Variants in TAF10 observed in about 807,000 individuals in gnomAD.
TAF10 encodes TATA-box binding protein associated factor 10, also known as transcription initiation factor TFIID subunit 10.
TAF10 carries 2 observed loss-of-function variants against 18.1 expected under a neutral mutation model. That is an observed-to-expected ratio of 0.11 (90% CI 0.05 to 0.35). The LOEUF (loss-of-function observed/expected upper bound fraction) is 0.35, where lower values mean the gene tolerates loss of function less well. TAF10 is among the 10% of genes least tolerant of loss of function. TAF10 has a pLI of 1.00. For synonymous variants in TAF10, 158 were observed against 134.6 expected, an observed-to-expected ratio of 1.17 and a Z score of -1.20; for missense variants, 293 against 306.9, an observed-to-expected ratio of 0.95 and a Z score of 0.34.
Position 6,607,907 on chromosome 11 carries a change from G to A in TAF10, c.*3015C>T. 2 of 841,770 alleles carry A rather than the reference G, an allele frequency of 2.4e-6. No homozygotes were observed. The allele number at this position is 841,770 out of a possible 1,614,324, so 52.1% of individuals were successfully genotyped here. A position where few individuals can be genotyped will look rare whatever the true frequency, so the allele number is the denominator to read the frequency against. On this transcript the variant is annotated 3_prime_UTR_variant, in exon 5 of 5. Coordinates refer to ENST00000299424, the MANE Select transcript of TAF10 (RefSeq NM_006284.4). The stretch of plus-strand genomic sequence containing the variant: ...GGAAGGTCTGAAATGGACAGCTTTG[G>A]GAGTTGCTGGCATGAATGAGAATCA...
Position 6,608,808 on chromosome 11 carries a change from C to T in TAF10, c.*2114G>A. ...TCTCCGAGGTCCATCTCCCCATCCC[C>T]TAGCTTGTGTCCTCTCGTCCCTTCC... On this transcript the variant is annotated 3_prime_UTR_variant, in exon 5 of 5. Transcript: ENST00000299424. This position sits in a 1 kb window ranked among gnomAD's most constrained non-coding sequence, Gnocchi z 4.9. The T allele has an allele frequency of 1.9e-6, 3 of 1,612,926 alleles. No homozygotes were observed. The highest frequency in any genetic ancestry group is 2.5e-6 in the Non-Finnish European group (3 of 1,178,882).
In TAF10 at chr11:6,609,309, G is replaced by GC. The variant is rs746490939; in HGVS notation, c.*1612dup. 1 of 1,614,002 alleles carries GC rather than the reference G, an allele frequency of 6.2e-7. No individual in the cohort carries two copies. Among genetic ancestry groups the GC allele is most frequent in the Non-Finnish European group, 8.5e-7 (1 of 1,179,992 alleles). On this transcript the variant is annotated 3_prime_UTR_variant, in exon 5 of 5. Transcript: ENST00000299424. ...CTACCTGTCCTGCAGCTATGGAAGG[G>GC]CCGCTGGCAGGGCAATGACATTGTC...
rs1663195410 is a variant in TAF10, at chr11:6,608,507, A to G, written c.*2415T>C. ...TGGCAGAGGTGAGTACTCAGCCCTT[A>G]ATTCCTGAGATGGGTAGGAAGTAAA... On this transcript the variant is annotated 3_prime_UTR_variant, in exon 5 of 5. Coordinates refer to ENST00000299424, the MANE Select transcript of TAF10 (RefSeq NM_006284.4). The surrounding 1 kb of genome is among the most constrained non-coding windows in gnomAD (Gnocchi z 4.9). 6.3e-7 allele frequency: 1 copy of G among 1,588,032 alleles called. No individual in the cohort carries two copies. Among genetic ancestry groups the G allele is most frequent in the Non-Finnish European group, 8.6e-7 (1 of 1,156,156 alleles).
In TAF10 at chr11:6,609,823, C is replaced by T; in HGVS notation, c.*1099G>A. ...CTAGAGCCCCTCATCCCACGACATG[C>T]ACTCAATAGCCGTAGTGTAATGGTG... On this transcript the variant is annotated 3_prime_UTR_variant, in exon 5 of 5. Transcript: ENST00000299424. 1 of 1,614,248 alleles carries T rather than the reference C, an allele frequency of 6.2e-7. No homozygotes were observed. The highest frequency in any genetic ancestry group is 1.1e-5 in the South Asian group (1 of 91,088).
At position 6,609,036 on chromosome 11, in the gene TAF10, G is replaced by A. The variant is rs752745228; in HGVS notation, c.*1886C>T. 4.3e-6 allele frequency: 7 copies of A among 1,611,698 alleles called. No individual in the cohort carries two copies. Among genetic ancestry groups the A allele is most frequent in the Non-Finnish European group, 5.9e-6 (7 of 1,177,786 alleles). ...CCTGGCCTCTTGGGGCTGGGTTAGG[G>A]TGAAGCTGGGTACCTGACCTGCCCA... is the stretch of plus-strand genomic sequence containing the variant. On this transcript the variant is annotated 3_prime_UTR_variant, in exon 5 of 5. Coordinates refer to ENST00000299424, the MANE Select transcript of TAF10 (RefSeq NM_006284.4).
chr11:6,611,572 T>A, intron 2 of TAF10, 92 bp downstream of exon 2: 1 of 1,590,258 alleles, frequency 6.3e-7, no homozygotes, highest in Non-Finnish European at 8.6e-7. Context: ...GAAGAGCGAC[T>A]AGGGGAGCAA....
chr11:6,611,893 G>C, intron 1 of TAF10, 65 bp downstream of exon 1: 1 of 1,555,410 alleles, frequency 6.4e-7, no homozygotes, highest in Non-Finnish European at 8.7e-7. Flanking sequence ...TATACCCTCT[G>C]CCCTCACCCG....
chr11:6,608,230 G>A lies in TAF10; in HGVS notation c.*2692C>T, dbSNP rs201214821. On this transcript the variant is annotated 3_prime_UTR_variant, in exon 5 of 5. Coordinates refer to ENST00000299424, the MANE Select transcript of TAF10 (RefSeq NM_006284.4). The surrounding 1 kb of genome is among the most constrained non-coding windows in gnomAD (Gnocchi z 4.9). ...ACAGAAGGTACGTACAAACTCCTTC[G>A]TCATCCACATCACATACATGCCATG... 4.0e-5 allele frequency: 65 copies of A among 1,613,810 alleles called. No individual in the cohort carries two copies. The highest frequency in any genetic ancestry group is 2.0e-4 in the East Asian group (9 of 44,878).
In TAF10 at chr11:6,608,123, G is replaced by C. The variant is rs141701406; in HGVS notation, c.*2799C>G. 2.5e-6 allele frequency: 4 copies of C among 1,613,948 alleles called. No homozygotes were observed. The highest frequency in any genetic ancestry group is 3.4e-6 in the Non-Finnish European group (4 of 1,179,960). Reference sequence around the variant, plus strand: ...GCTGTGGTTGAGATGTTGATCATGCGGGGGGCACGGATCAATGTAATGAAC... The same window carrying C: ...GCTGTGGTTGAGATGTTGATCATGCCGGGGGCACGGATCAATGTAATGAAC... On this transcript the variant is annotated 3_prime_UTR_variant, in exon 5 of 5. Transcript: ENST00000299424. This position sits in a 1 kb window ranked among gnomAD's most constrained non-coding sequence, Gnocchi z 4.9.
At position 6,611,170 on chromosome 11, in the gene TAF10, A is replaced by G. The variant is rs1855446792; in HGVS notation, c.567+19T>C. The G allele has an allele frequency of 2.5e-6, 4 of 1,611,590 alleles. No homozygotes were observed. The highest frequency in any genetic ancestry group is 2.5e-6 in the Non-Finnish European group (3 of 1,177,730). On this transcript the variant is annotated intron_variant, in intron 4 of 4. Coordinates refer to ENST00000299424, the MANE Select transcript of TAF10 (RefSeq NM_006284.4). ...TGTTGTGGAAGGTAATTACTGATTC[A>G]TTAAGCCTCCCCTCACACCTTGCTC...
rs1554900131 is a variant in TAF10, at chr11:6,610,537, A to G, written c.*385T>C. On this transcript the variant is annotated 3_prime_UTR_variant, in exon 5 of 5. Coordinates refer to ENST00000299424, the MANE Select transcript of TAF10 (RefSeq NM_006284.4). The stretch of plus-strand genomic sequence containing the variant: ...TGTGTGTAAGCTCATGAAGATCTGC[A>G]TGAATGAAGACCCTGCAAAGCGACC... 1 of 1,614,232 alleles carries G rather than the reference A, an allele frequency of 6.2e-7. No homozygotes were observed. Among genetic ancestry groups the G allele is most frequent in the South Asian group, 1.1e-5 (1 of 91,086 alleles).
Position 6,608,295 on chromosome 11 carries a change from T to C in TAF10, c.*2627A>G. ...GCACTGTAACATACAGTAGAAAGCA[T>C]GTGTGCTCTTCCCCCTTTTCCCATG... On this transcript the variant is annotated 3_prime_UTR_variant, in exon 5 of 5. Coordinates refer to ENST00000299424, the MANE Select transcript of TAF10 (RefSeq NM_006284.4). The surrounding 1 kb of genome is among the most constrained non-coding windows in gnomAD (Gnocchi z 4.9). 1 of 1,572,460 alleles carries C rather than the reference T, an allele frequency of 6.4e-7. No homozygotes were observed. The highest frequency in any genetic ancestry group is 8.8e-7 in the Non-Finnish European group (1 of 1,142,104).
Position 6,612,019 on chromosome 11 carries a change from A to G in TAF10, c.171T>C (p.Ala57=). 6.5e-7 allele frequency: 1 copy of G among 1,531,386 alleles called. No individual in the cohort carries two copies. Among genetic ancestry groups the G allele is most frequent in the Non-Finnish European group, 8.7e-7 (1 of 1,146,580 alleles). 94.9% of individuals were successfully genotyped at this position (1,531,386 alleles called of 1,614,324 possible). ...CCGCCAAGGGTCCCGTGCCCCCAGC[A>G]GCTGCTCCAGCCCCAGGTCCCCCCG... The part of the protein sequence containing the change: ...GTAGGPGAGA[A]AGGTGPLAAR... The change falls in exon 1 of 5, where the codon GCT becomes GCC. Residue 57 remains alanine (A), a synonymous_variant. Coordinates refer to ENST00000299424, the MANE Select transcript of TAF10 (RefSeq NM_006284.4).
At position 6,610,352 on chromosome 11, in the gene TAF10, G is replaced by GCTC; in HGVS notation, c.*567_*569dup. On this transcript the variant is annotated 3_prime_UTR_variant, in exon 5 of 5. Coordinates refer to ENST00000299424, the MANE Select transcript of TAF10 (RefSeq NM_006284.4). ...GTGAAAATAACTGTAGTGGGCCTTG[G>GCTC]CTCCTCACATATTTGTTCGGATATA... 6.2e-7 allele frequency: 1 copy of GCTC among 1,613,080 alleles called. No individual in the cohort carries two copies. Among genetic ancestry groups the GCTC allele is most frequent in the South Asian group, 1.1e-5 (1 of 91,002 alleles).
In TAF10 at chr11:6,608,735, G is replaced by GT; in HGVS notation, c.*2186dup. 6.2e-7 allele frequency: 1 copy of GT among 1,614,166 alleles called. No individual in the cohort carries two copies. Among genetic ancestry groups the GT allele is most frequent in the Non-Finnish European group, 8.5e-7 (1 of 1,180,010 alleles). ...GGGCCCTTGTCAGCATCTGTAACAAGTATGGAGAGATGCCTGTGGACAAAG... is the reference window on the plus strand; with the variant it reads ...GGGCCCTTGTCAGCATCTGTAACAAGTTATGGAGAGATGCCTGTGGACAAAG... On this transcript the variant is annotated 3_prime_UTR_variant, in exon 5 of 5. Transcript: ENST00000299424. This position sits in a 1 kb window ranked among gnomAD's most constrained non-coding sequence, Gnocchi z 4.9.
chr11:6,610,370 C>G lies in TAF10; in HGVS notation c.*552G>C. The G allele has an allele frequency of 6.2e-7, 1 of 1,612,424 alleles. No homozygotes were observed. ...GGCCTTGGCTCCTCACATATTTGTT[C>G]GGATATACAGTAATCCTGTCCCAAG... On this transcript the variant is annotated 3_prime_UTR_variant, in exon 5 of 5. Transcript: ENST00000299424.
Position 6,608,855 on chromosome 11 carries a change from C to T in TAF10, c.*2067G>A, listed in dbSNP as rs748288683. The T allele has an allele frequency of 8.7e-6, 14 of 1,613,430 alleles. No individual in the cohort carries two copies. In the Admixed American group the frequency reaches 2.2e-4, roughly 25 times the overall value. ...TTCCCACCTGTCTTCTCCCTCTGTA[C>T]CACAGCTTAGGTTGTTTTTCTTCCC... On this transcript the variant is annotated 3_prime_UTR_variant, in exon 5 of 5. Transcript: ENST00000299424. This position sits in a 1 kb window ranked among gnomAD's most constrained non-coding sequence, Gnocchi z 4.9.
chr11:6,611,423 C>T lies in TAF10; in HGVS notation c.417G>A (p.Leu139=). ...TIPDAVTGYY[L]NRAGFEASDP... is the part of the protein sequence containing the mutation. ...CTGAGGCCTCAAAGCCAGCACGGTT[C>T]AGGTAGTAACCAGTCACTGCATCTG... The change falls in exon 3 of 5, where the codon CTG becomes CTA. Residue 139 remains leucine, a synonymous_variant. Coordinates refer to ENST00000299424, the MANE Select transcript of TAF10 (RefSeq NM_006284.4). 6.2e-7 allele frequency: 1 copy of T among 1,614,200 alleles called. No individual in the cohort carries two copies. Among genetic ancestry groups the T allele is most frequent in the Non-Finnish European group, 8.5e-7 (1 of 1,180,040 alleles).
chr11:6,608,782 T>C lies in TAF10; in HGVS notation c.*2140A>G, dbSNP rs756684423. ...AAAGCCAAGGCACCCCTGAGAGAGC[T>C]TCTCCGAGGTCCATCTCCCCATCCC... On this transcript the variant is annotated 3_prime_UTR_variant, in exon 5 of 5. Coordinates refer to ENST00000299424, the MANE Select transcript of TAF10 (RefSeq NM_006284.4). This position sits in a 1 kb window ranked among gnomAD's most constrained non-coding sequence, Gnocchi z 4.9. The C allele has an allele frequency of 1.9e-6, 3 of 1,613,684 alleles. No homozygotes were observed. Among genetic ancestry groups the C allele is most frequent in the African/African-American group, 1.3e-5 (1 of 74,916 alleles).
Sources: gnomAD v4.1 joint callset for allele counts on GRCh38, gnomAD v4.1.1 for gene constraint, Gnocchi (gnomAD v3.1) non-coding constraint, MANE v1.5 for transcripts, NCBI Gene and HGNC (gene_info 2026-07-23, HGNC 2026-07-21) for gene names.